The following SPATA7 variants were observed in gnomAD, a reference collection of about 807,000 sequenced individuals.
The protein encoded by SPATA7 is spermatogenesis-associated protein 7.
In SPATA7, 43 loss-of-function variants were observed where a neutral mutation model predicts 51.8. The observed-to-expected ratio is 0.83, with a 90% confidence interval of 0.65 to 1.07. The LOEUF is 1.07. SPATA7 is among the 50% of genes least tolerant of loss of function. SPATA7 has a pLI of 0.00. For missense variants in SPATA7, 683 were observed against 701.3 expected (o/e 0.97, Z 0.30); for synonymous variants, 230 against 252.8 (o/e 0.91, Z 0.86).
At chr14:88,385,986 AGGCCTGC>A (rs2075563971) in intron 1 of SPATA7, 149 bp downstream of exon 1, 1 of 1,503,580 alleles carries the variant, frequency 6.7e-7, no homozygotes, top group East Asian at 2.5e-5. Context: ...GGAGCTGCCC[AGGCCTGC>A]GCAAAGGAAG....
intron 8 of SPATA7, among the ~76,000 whole-genome samples, chr14:88,430,530 A>ACAAAATTTATCATGATGTTTTTCT (rs2076912219): frequency 2.6e-5 from 4 of 152,192 alleles, no homozygotes; most frequent in African/African-American, 9.6e-5. Context: ...CTGAATAATA[A>ACAAAATTTATCATGATGTTTTTCT]CAAAATTTAT....
intron 3 of SPATA7, among the ~76,000 whole-genome samples, chr14:88,450,259 A>G (rs558310609): frequency 2.0e-5 from 3 of 152,158 alleles, no homozygotes; most frequent in South Asian, 2.1e-4. Flanking sequence ...CTGCCATTTC[A>G]TATCTTTTAG....
At chr14:88,470,197 A>C in exon 5 of SPATA7, 1 of 711,822 alleles carries the variant, frequency 1.4e-6, no homozygotes. Flanking sequence ...CAGAATAAGG[A>C]AAGACTTTTC....
intron 5 of SPATA7, among the ~76,000 whole-genome samples, chr14:88,417,157 G>A (rs73323514): frequency 0.1 from 15,730 of 151,498 alleles, 1,041 homozygotes; most frequent in African/African-American, 0.18. Context: ...TGATACCTTC[G>A]AACATCTGGT....
downstream of SPATA7, among the ~76,000 whole-genome samples, chr14:88,457,006 G>T (rs1239720800): frequency 6.6e-6 from 1 of 152,104 alleles, no homozygotes; most frequent in Non-Finnish European, 1.5e-5. Flanking sequence ...TGTTGTTTTT[G>T]TCAGGTTTGT....
At chr14:88,430,911 G>A (rs907240928) in intron 8 of SPATA7, among the ~76,000 whole-genome samples, 2 of 152,090 alleles carry the variant, frequency 1.3e-5, no homozygotes, top group African/African-American at 4.8e-5. Context: ...TTGAAAATCT[G>A]TAATTCACCA....
downstream of SPATA7, among the ~76,000 whole-genome samples, chr14:88,439,843 C>T (rs1290030894): frequency 6.6e-6 from 1 of 152,116 alleles, no homozygotes; most frequent in African/African-American, 2.4e-5. Flanking sequence ...CCTCCACTGT[C>T]GGAATCCCCA....
chr14:88,433,638 T>C (rs1254637600), intron 10 of SPATA7, among the ~76,000 whole-genome samples: 1 of 152,170 alleles, frequency 6.6e-6, no homozygotes, highest in Non-Finnish European at 1.5e-5. Flanking sequence ...TTGCACGCTG[T>C]AAGTTAAATG....
At chr14:88,446,408 A>G (rs556055218) in intron 3 of SPATA7, among the ~76,000 whole-genome samples, 2 of 152,128 alleles carry the variant, frequency 1.3e-5, no homozygotes, top group African/African-American at 4.8e-5. Context: ...CAGTCTATCA[A>G]TTTTGTTGAT....
At chr14:88,468,344 G>T in intron 4 of SPATA7, 1 of 1,375,630 alleles carries the variant, frequency 7.3e-7, no homozygotes, top group Non-Finnish European at 9.8e-7. Context: ...GAGTGTCCTG[G>T]CAGAAACCTG....
rs1233431128 is a variant in SPATA7, at chr14:88,385,724, CTT to C, written c.-92_-91del. On this transcript the variant is annotated 5_prime_UTR_variant, in exon 1 of 12. Transcript: ENST00000393545. ...GCTGCTGCAGCCCCCGTCGGCTCCT[CTT>C]TTCCAGTCCTCCACTGCCGGGGCTG... 7.1e-5 allele frequency: 92 copies of C among 1,295,896 alleles called. No homozygotes were observed. The East Asian group carries it at 1.4e-3, about 20-fold the overall frequency. The allele number at this position is 1,295,896 out of a possible 1,614,324, so 80.3% of individuals were successfully genotyped here. A position where few individuals can be genotyped will look rare whatever the true frequency, so the allele number is the denominator to read the frequency against.
rs186111799 is a variant in SPATA7, at chr14:88,396,943, C to T, written c.238+740C>T. On this transcript the variant is annotated intron_variant, in intron 4 of 11. Transcript: ENST00000393545. ...GCTAAAGTGCAGTGGAACGATCTCA[C>T]CTCACTGTAACCTCCACCTCCTGGG... 3.0e-3 allele frequency among the ~76,000 whole-genome samples: 440 copies of T among 148,870 alleles called. 2 individuals carry two copies. The highest frequency in any genetic ancestry group is 4.9e-3 in the Non-Finnish European group (332 of 67,524).
At chr14:88,411,782 A>G (rs530642633) in intron 4 of SPATA7, among the ~76,000 whole-genome samples, 9 of 152,256 alleles carry the variant, frequency 5.9e-5, no homozygotes, top group African/African-American at 2.2e-4. Context: ...TTGGTTCCAT[A>G]TCTTTGCTAT....
intron 7 of SPATA7, 164 bp from the exon 8 acceptor site, chr14:88,429,184 G>A: frequency 4.2e-6 from 2 of 472,888 alleles, no homozygotes; most frequent in East Asian, 3.3e-5. Context: ...TAAGAAAAAA[G>A]TGCTGGATGG....
chr14:88,416,865 T>G, intron 5 of SPATA7, 21 bp downstream of exon 5: 1 of 1,568,538 alleles, frequency 6.4e-7, no homozygotes, highest in Non-Finnish European at 8.8e-7. Flanking sequence ...ATTTTTATTT[T>G]TTAAAAGCAA....
At chr14:88,427,245 C>G (rs1000812827) in intron 6 of SPATA7, among the ~76,000 whole-genome samples, 4 of 152,060 alleles carry the variant, frequency 2.6e-5, no homozygotes, top group African/African-American at 9.7e-5. Context: ...TAGTGCCTGG[C>G]ACAAGATGAA....
intron 3 of SPATA7, among the ~76,000 whole-genome samples, chr14:88,444,765 C>T (rs995592965): frequency 6.6e-6 from 1 of 152,010 alleles, no homozygotes; most frequent in Non-Finnish European, 1.5e-5. Flanking sequence ...TGCTTGTTTT[C>T]CTCAGGTTTG....
intron 4 of SPATA7, among the ~76,000 whole-genome samples, chr14:88,410,152 T>G (rs2076300933): frequency 6.6e-6 from 1 of 152,094 alleles, no homozygotes; most frequent in South Asian, 2.1e-4. Flanking sequence ...CCTTGTTAAT[T>G]TTCTGTCTTG....
chr14:88,399,934 A>G (rs7151188), intron 4 of SPATA7, among the ~76,000 whole-genome samples: 5 of 152,216 alleles, frequency 3.3e-5, no homozygotes, highest in African/African-American at 1.2e-4. Context: ...TAAGACCCAG[A>G]CAGAAATCAT....
Sources: allele counts gnomAD v4.1 joint callset (sites outside exome capture counted in the v4.1 genomes callset), GRCh38; gene constraint gnomAD v4.1.1; transcripts MANE v1.5; gene names NCBI Gene and HGNC (gene_info 2026-07-23, HGNC 2026-07-21).